The following ATP5MGL variants were observed in gnomAD, a reference collection of about 807,000 sequenced individuals.
ATP5MGL encodes ATP synthase membrane subunit g like.
For missense variants in ATP5MGL, 119 were observed against 123.1 expected, an observed-to-expected ratio of 0.97 and a Z score of 0.16; for synonymous variants, 56 against 48.3, an observed-to-expected ratio of 1.16 and a Z score of -0.66.
At position 42,640,526 on chromosome 22, in the gene ATP5MGL, GCAC is replaced by G. The variant is rs1196250881; in HGVS notation, c.-255_-253del. The G allele has an allele frequency of 5.0e-6, 1 of 198,310 alleles. No individual in the cohort carries two copies. Among genetic ancestry groups the G allele is most frequent in the Non-Finnish European group, 1.0e-5 (1 of 100,432 alleles). The allele number at this position is 198,310 out of a possible 1,614,324, so 12.3% of individuals were successfully genotyped here. A position where few individuals can be genotyped will look rare whatever the true frequency, so the allele number is the denominator to read the frequency against. On this transcript the variant is annotated 5_prime_UTR_variant, in exon 1 of 1. Transcript: ENST00000505920. ...CCCGAGTAGCTGGGATTACAGGTGA[GCAC>G]CACCACGTCTGGCTAATTTTTGTAC...
At position 42,639,841 on chromosome 22, in the gene ATP5MGL, C is replaced by A; in HGVS notation, c.*131G>T. ...GAACATGGGTTGGAACTGCTTGATT[C>A]ACTTTTTTTTTTTTTTGGAATTTCT... On this transcript the variant is annotated 3_prime_UTR_variant, in exon 1 of 1. Transcript: ENST00000505920. 1.9e-6 allele frequency: 2 copies of A among 1,065,500 alleles called. No homozygotes were observed. The highest frequency in any genetic ancestry group is 3.5e-5 in the South Asian group (2 of 56,432). 66.0% of individuals were successfully genotyped at this position (1,065,500 alleles called of 1,614,324 possible). A position where few individuals can be genotyped will look rare whatever the true frequency, so the allele number is the denominator to read the frequency against.
rs766517606 is a variant in ATP5MGL, at chr22:42,640,104, G to A, written c.171C>T (p.Val57=). The change falls in exon 1 of 1, where the codon GTC becomes GTT. Residue 57 remains valine, a synonymous_variant. Coordinates refer to ENST00000505920, the MANE Select transcript of ATP5MGL (RefSeq NM_001165877.1). ...TGAAGCTACCAGTCTGAGCACTACT[G>A]ACTATTTTTTTCAGGCTCTGAATAG... ...PRAIQSLKKI[V]SSAQTGSFKQ... is the part of the protein sequence containing the mutation. 3.1e-6 allele frequency: 5 copies of A among 1,612,844 alleles called. No individual in the cohort carries two copies. The highest frequency in any genetic ancestry group is 1.7e-5 in the Admixed American group (1 of 59,988).
chr22:42,640,024 G>A lies in ATP5MGL; in HGVS notation c.251C>T (p.Ser84Leu), dbSNP rs757063209. 26 of 1,613,316 alleles carry A rather than the reference G, an allele frequency of 1.6e-5. No individual in the cohort carries two copies. Among genetic ancestry groups the A allele is most frequent in the Middle Eastern group, 3.3e-4 (2 of 6,062 alleles). The change falls in exon 1 of 1, where the codon TCG becomes TTG. Residue 84 changes from serine (S) to leucine (L), a missense_variant. Coordinates refer to ENST00000505920, the MANE Select transcript of ATP5MGL (RefSeq NM_001165877.1). ...GATCTCTCTGACATAAAACCACGTC[G>A]ACACCTCAGTGGCCACCAAACCGTT... is the stretch of plus-strand genomic sequence containing the variant. ...LLNGLVATEV[S>L]TWFYVREITG... is the part of the protein sequence containing the mutation.
rs780233162 is a variant in ATP5MGL, at chr22:42,640,041, C to T, written c.234G>A (p.Leu78=). ...LTVKEALLNG[L]VATEVSTWFY... is the part of the protein sequence containing the mutation. ...ACCACGTCGACACCTCAGTGGCCAC[C>T]AAACCGTTCAGCAAAGCTTCCTTAA... is the stretch of plus-strand genomic sequence containing the variant. The change falls in exon 1 of 1, where the codon TTG becomes TTA. Residue 78 remains leucine (L), a synonymous_variant. Coordinates refer to ENST00000505920, the MANE Select transcript of ATP5MGL (RefSeq NM_001165877.1). 6.2e-7 allele frequency: 1 copy of T among 1,613,670 alleles called. No homozygotes were observed. The highest frequency in any genetic ancestry group is 8.5e-7 in the Non-Finnish European group (1 of 1,180,028).
At position 42,640,198 on chromosome 22, in the gene ATP5MGL, C is replaced by T. The variant is rs1442910013; in HGVS notation, c.77G>A (p.Arg26Gln). The change falls in exon 1 of 1, where the codon CGA (arginine) becomes CAA (glutamine). Residue 26 changes from arginine (R) to glutamine (Q), a missense_variant. Transcript: ENST00000505920. ...VNAAVTYLKP[R>Q]LAAFWYYTTV... ...GGTGTAGTACCAAAATGCGGCCAAT[C>T]GAGGCTTCAAGTAAGTCACAGCAGC... 1.2e-6 allele frequency: 2 copies of T among 1,607,980 alleles called. No individual in the cohort carries two copies. The highest frequency in any genetic ancestry group is 2.2e-5 in the South Asian group (2 of 90,508).
At position 42,640,190 on chromosome 22, in the gene ATP5MGL, C is replaced by A. The variant is rs577533684; in HGVS notation, c.85G>T (p.Ala29Ser). The A allele has an allele frequency of 1.9e-6, 3 of 1,609,748 alleles. No homozygotes were observed. The highest frequency in any genetic ancestry group is 1.1e-5 in the South Asian group (1 of 90,734). Residue 29 changes from alanine (A) to serine (S), a missense_variant, in exon 1 of 1, where the codon GCA becomes TCA. By Grantham distance (99) the Ala-to-Ser change is moderately conservative. Coordinates refer to ENST00000505920, the MANE Select transcript of ATP5MGL (RefSeq NM_001165877.1). Reference protein sequence around the residue: ...AVTYLKPRLAAFWYYTTVELV... With the variant: ...AVTYLKPRLASFWYYTTVELV... ...TCAACCGTGGTGTAGTACCAAAATGCGGCCAATCGAGGCTTCAAGTAAGTC... is the reference window on the plus strand; with the variant it reads ...TCAACCGTGGTGTAGTACCAAAATGAGGCCAATCGAGGCTTCAAGTAAGTC...
Position 42,640,291 on chromosome 22 carries a change from G to A in ATP5MGL, c.-17C>T. ...TGGAGCCATGGTTCTGGGATGGAAA[G>A]TCCATCATCCCGAATGGCCAGCTGA... On this transcript the variant is annotated 5_prime_UTR_variant, in exon 1 of 1. Coordinates refer to ENST00000505920, the MANE Select transcript of ATP5MGL (RefSeq NM_001165877.1). 6.5e-7 allele frequency: 1 copy of A among 1,543,848 alleles called. No homozygotes were observed. Among genetic ancestry groups the A allele is most frequent in the Non-Finnish European group, 8.7e-7 (1 of 1,146,218 alleles).
chr22:42,640,266 T>C lies in ATP5MGL; in HGVS notation c.9A>G (p.Pro3=). 6.4e-7 allele frequency: 1 copy of C among 1,560,924 alleles called. No individual in the cohort carries two copies. The highest frequency in any genetic ancestry group is 8.6e-7 in the Non-Finnish European group (1 of 1,156,294). Residue 3 remains proline, a synonymous_variant, in exon 1 of 1, where the codon CCA becomes CCG. Coordinates refer to ENST00000505920, the MANE Select transcript of ATP5MGL (RefSeq NM_001165877.1). The part of the protein sequence containing the change: MA[P]FVRNLVEKTP... The stretch of plus-strand genomic sequence containing the variant: ...TCTTCTCCACAAGGTTACGGACAAA[T>C]GGAGCCATGGTTCTGGGATGGAAAG...
In ATP5MGL at chr22:42,639,958, G is replaced by T; in HGVS notation, c.*14C>A. ...TCAAATATAATCAGATGTTAAGACT[G>T]GTCTTCAAACATTCTAGCCAATGAT... On this transcript the variant is annotated 3_prime_UTR_variant, in exon 1 of 1. Transcript: ENST00000505920. 1 of 1,607,626 alleles carries T rather than the reference G, an allele frequency of 6.2e-7. No individual in the cohort carries two copies. Among genetic ancestry groups the T allele is most frequent in the Non-Finnish European group, 8.5e-7 (1 of 1,178,776 alleles).
chr22:42,640,576 G>A lies in ATP5MGL; in HGVS notation c.-302C>T, dbSNP rs1433245742. The A allele has an allele frequency of 4.4e-5, 7 of 158,174 alleles. No homozygotes were observed. Among genetic ancestry groups the A allele is most frequent in the Non-Finnish European group, 6.9e-5 (5 of 72,654 alleles). 9.8% of individuals were successfully genotyped at this position (158,174 alleles called of 1,614,324 possible). A position where few individuals can be genotyped will look rare whatever the true frequency, so the allele number is the denominator to read the frequency against. On this transcript the variant is annotated 5_prime_UTR_variant, in exon 1 of 1. Transcript: ENST00000505920. ...GTACTTTTAGTAGAGACAATGTTTC[G>A]CCATGTTGGCCAGGCTGGTCTTGAA...
Position 42,640,102 on chromosome 22 carries a change from C to T in ATP5MGL, c.173G>A (p.Ser58Asn), listed in dbSNP as rs750167355. The change falls in exon 1 of 1, where the codon AGT (serine) becomes AAT (asparagine). Residue 58 changes from serine (S) to asparagine (N), a missense_variant. Physicochemically the swap from Ser to Asn is conservative, Grantham distance 46 (BLOSUM62 1). Transcript: ENST00000505920. ...TTTGAAGCTACCAGTCTGAGCACTA[C>T]TGACTATTTTTTTCAGGCTCTGAAT... ...RAIQSLKKIV[S>N]SAQTGSFKQL... 3 of 1,612,992 alleles carry T rather than the reference C, an allele frequency of 1.9e-6. No individual in the cohort carries two copies. The highest frequency in any genetic ancestry group is 1.1e-5 in the South Asian group (1 of 91,030).
chr22:42,640,175 T>C lies in ATP5MGL; in HGVS notation c.100A>G (p.Thr34Ala). Residue 34 changes from threonine (T) to alanine (A), a missense_variant, in exon 1 of 1, where the codon ACC (threonine) becomes GCC (alanine). Transcript: ENST00000505920. ...GTGGGAGGAACCAGCTCAACCGTGG[T>C]GTAGTACCAAAATGCGGCCAATCGA... ...KPRLAAFWYY[T>A]TVELVPPTPA... is the part of the protein sequence containing the mutation. 1.9e-6 allele frequency: 3 copies of C among 1,612,578 alleles called. No individual in the cohort carries two copies. The highest frequency in any genetic ancestry group is 2.5e-6 in the Non-Finnish European group (3 of 1,179,850).
chr22:42,640,350 C>CTTTAT lies in ATP5MGL; in HGVS notation c.-77_-76insATAAA, dbSNP rs919193890. On this transcript the variant is annotated 5_prime_UTR_variant, in exon 1 of 1. Coordinates refer to ENST00000505920, the MANE Select transcript of ATP5MGL (RefSeq NM_001165877.1). ...CCCCGGAAGGACCCTGCGTGGTTCA[C>CTTTAT]TTATTTATTTATTTATTTATTTATT... 1 of 467,566 alleles carries CTTTAT rather than the reference C, an allele frequency of 2.1e-6. No individual in the cohort carries two copies. The highest frequency in any genetic ancestry group is 2.2e-5 in the African/African-American group (1 of 45,826). The allele number at this position is 467,566 out of a possible 1,614,324, so 29.0% of individuals were successfully genotyped here. A position where few individuals can be genotyped will look rare whatever the true frequency, so the allele number is the denominator to read the frequency against.
In ATP5MGL at chr22:42,640,374, T is replaced by C; in HGVS notation, c.-100A>G. 1 of 635,936 alleles carries C rather than the reference T, an allele frequency of 1.6e-6. No individual in the cohort carries two copies. Among genetic ancestry groups the C allele is most frequent in the Admixed American group, 4.5e-5 (1 of 22,244 alleles). The allele number at this position is 635,936 out of a possible 1,614,324, so 39.4% of individuals were successfully genotyped here. ...ACTTATTTATTTATTTATTTATTTA[T>C]TTATTTATTTATTTATTTATTTGAG... On this transcript the variant is annotated 5_prime_UTR_variant, in exon 1 of 1. Coordinates refer to ENST00000505920, the MANE Select transcript of ATP5MGL (RefSeq NM_001165877.1).
At position 42,640,048 on chromosome 22, in the gene ATP5MGL, T is replaced by C. The variant is rs748638349; in HGVS notation, c.227A>G (p.Asn76Ser). 4 of 1,613,790 alleles carry C rather than the reference T, an allele frequency of 2.5e-6. No individual in the cohort carries two copies. The South Asian group carries it at 4.4e-5, about 18-fold the overall frequency. ...CGACACCTCAGTGGCCACCAAACCG[T>C]TCAGCAAAGCTTCCTTAACTGTGAG... The part of the protein sequence containing the change: ...KQLTVKEALL[N>S]GLVATEVSTW... The change falls in exon 1 of 1, where the codon AAC becomes AGC. Residue 76 changes from asparagine (N) to serine (S), a missense_variant. Physicochemically the swap from Asn to Ser is conservative, Grantham distance 46 (BLOSUM62 1). Coordinates refer to ENST00000505920, the MANE Select transcript of ATP5MGL (RefSeq NM_001165877.1).
chr22:42,639,955 A>T lies in ATP5MGL; in HGVS notation c.*17T>A. On this transcript the variant is annotated 3_prime_UTR_variant, in exon 1 of 1. Transcript: ENST00000505920. Reference sequence around the variant, plus strand: ...AAATCAAATATAATCAGATGTTAAGACTGGTCTTCAAACATTCTAGCCAAT... The same window carrying T: ...AAATCAAATATAATCAGATGTTAAGTCTGGTCTTCAAACATTCTAGCCAAT... 3.7e-6 allele frequency: 6 copies of T among 1,607,102 alleles called. 1 individual carries two copies. Among genetic ancestry groups the T allele is most frequent in the Non-Finnish European group, 5.1e-6 (6 of 1,178,626 alleles).
chr22:42,640,250 C>T lies in ATP5MGL; in HGVS notation c.25G>A (p.Val9Met), dbSNP rs1929177276. Reference sequence around the variant, plus strand: ...TTCACCAGTGCTGGGGTCTTCTCCACAAGGTTACGGACAAATGGAGCCATG... The same window carrying T: ...TTCACCAGTGCTGGGGTCTTCTCCATAAGGTTACGGACAAATGGAGCCATG... Reference protein sequence around the residue: MAPFVRNLVEKTPALVNAA... With the variant: MAPFVRNLMEKTPALVNAA... The change falls in exon 1 of 1, where the codon GTG (valine) becomes ATG (methionine). Residue 9 changes from valine to methionine, a missense_variant. Transcript: ENST00000505920. The T allele has an allele frequency of 5.7e-6, 9 of 1,574,090 alleles. No homozygotes were observed. The highest frequency in any genetic ancestry group is 7.7e-6 in the Non-Finnish European group (9 of 1,163,290).
rs777759825 is a variant in ATP5MGL at position 42,639,956 on chromosome 22, C to T, written c.*16G>A. 1.2e-6 allele frequency: 2 copies of T among 1,607,144 alleles called. No individual in the cohort carries two copies. Among genetic ancestry groups the T allele is most frequent in the Non-Finnish European group, 1.7e-6 (2 of 1,178,616 alleles). On this transcript the variant is annotated 3_prime_UTR_variant, in exon 1 of 1. Coordinates refer to ENST00000505920, the MANE Select transcript of ATP5MGL (RefSeq NM_001165877.1). The stretch of plus-strand genomic sequence containing the variant: ...AATCAAATATAATCAGATGTTAAGA[C>T]TGGTCTTCAAACATTCTAGCCAATG...
rs1000773019 is a variant in ATP5MGL, at chr22:42,640,348, C to A, written c.-74G>T. ...CCCCCCGGAAGGACCCTGCGTGGTT[C>A]ACTTATTTATTTATTTATTTATTTA... On this transcript the variant is annotated 5_prime_UTR_variant, in exon 1 of 1. Coordinates refer to ENST00000505920, the MANE Select transcript of ATP5MGL (RefSeq NM_001165877.1). The A allele has an allele frequency of 2.3e-6, 2 of 851,316 alleles. No individual in the cohort carries two copies. Among genetic ancestry groups the A allele is most frequent in the South Asian group, 4.2e-5 (1 of 23,774 alleles). The allele number at this position is 851,316 out of a possible 1,614,324, so 52.7% of individuals were successfully genotyped here. A position where few individuals can be genotyped will look rare whatever the true frequency, so the allele number is the denominator to read the frequency against.
Sources: gnomAD v4.1 joint callset for allele counts on GRCh38, gnomAD v4.1.1 for gene constraint, MANE v1.5 for transcripts, NCBI Gene and HGNC (gene_info 2026-07-23, HGNC 2026-07-21) for gene names.